The following SETD5 variants were observed in gnomAD, a reference collection of about 807,000 sequenced individuals.
The protein encoded by SETD5 is SET domain containing 5, also known as histone-lysine N-methyltransferase SETD5.
Under a neutral mutation model 153.3 loss-of-function variants are expected in SETD5, and 44 were observed. The ratio of observed to expected loss-of-function variants is 0.29; its 90% CI spans 0.23 to 0.37. SETD5 has a LOEUF of 0.37. Ranked by LOEUF, SETD5 falls within the 10% of genes least tolerant of loss-of-function variation. The probability of loss-of-function intolerance (pLI) is 1.00; values close to 1 mark genes in which losing one functional copy is unlikely to be tolerated. For missense variants in SETD5, 1,544 were observed against 1,768.0 expected, an observed-to-expected ratio of 0.87 and a Z score of 2.27; for synonymous variants, 716 against 645.2, an observed-to-expected ratio of 1.11 and a Z score of -1.66.
Position 9,473,533 on chromosome 3 carries a change from A to G in SETD5, c.3493A>G (p.Arg1165Gly), listed in dbSNP as rs2125608152. ...HCRPQENISS[R>G]WMVPTSVERL... ...CAGACCTCAAGAGAATATCAGCAGTAGGTGGTAAGTTTATATTTGATGTTT... is the reference window on the plus strand; with the variant it reads ...CAGACCTCAAGAGAATATCAGCAGTGGGTGGTAAGTTTATATTTGATGTTT... Residue 1165 changes from arginine (R) to glycine (G), a missense_variant, in exon 20 of 23, where the codon AGG (arginine) becomes GGG (glycine). By Grantham distance (125) the Arg-to-Gly change is moderately radical (BLOSUM62 -2). This residue lies in a region of SETD5 where 38 missense variants were observed against 71.4 expected (regional missense o/e 0.53). Transcript: ENST00000402198. The G allele has an allele frequency of 6.2e-7, 1 of 1,608,864 alleles. No individual in the cohort carries two copies. The highest frequency in any genetic ancestry group is 2.2e-5 in the East Asian group (1 of 44,788).
Position 9,434,900 on chromosome 3 carries a change from T to C in SETD5, c.388+18T>C. ...CATATCAGGTGAGCGGAAGATGGGTTAGGTCCACAATTTGACATAAAAATA... is the reference window on the plus strand; with the variant it reads ...CATATCAGGTGAGCGGAAGATGGGTCAGGTCCACAATTTGACATAAAAATA... On this transcript the variant is annotated intron_variant, in intron 6 of 22. Coordinates refer to ENST00000402198, the MANE Select transcript of SETD5 (RefSeq NM_001080517.3). This position sits in a 1 kb window ranked among gnomAD's most constrained non-coding sequence, Gnocchi z 5.6. The C allele has an allele frequency of 1.9e-6, 3 of 1,610,756 alleles. No homozygotes were observed. The highest frequency in any genetic ancestry group is 2.5e-6 in the Non-Finnish European group (3 of 1,178,582).
chr3:9,448,050 C>T, intron 15 of SETD5, 44 bp downstream of exon 15: 1 of 1,559,928 alleles, frequency 6.4e-7, no homozygotes, highest in Non-Finnish European at 8.7e-7. Flanking sequence ...CTGGCAAGGG[C>T]TGTCTTAGTG....
intron 19 of SETD5, among the ~76,000 whole-genome samples, chr3:9,471,262 A>G (rs929625713): frequency 1.4e-4 from 22 of 152,358 alleles, no homozygotes; most frequent in Middle Eastern, 3.4e-3. Context: ...CAGTAAGCCT[A>G]TAAGATAGGC....
chr3:9,436,262 T>G (rs2040556580), intron 7 of SETD5, among the ~76,000 whole-genome samples: 1 of 152,204 alleles, frequency 6.6e-6, no homozygotes, highest in Admixed American at 6.5e-5. Context: ...GAAATTCTTG[T>G]CCTGGTTACA....
chr3:9,399,958 G>C (rs539599327), intron 1 of SETD5, among the ~76,000 whole-genome samples: 2 of 152,308 alleles, frequency 1.3e-5, no homozygotes, highest in East Asian at 1.9e-4. Context: ...TGGTTGCTAC[G>C]TGAGAAGCTT....
chr3:9,442,538 C>T (rs545804526), intron 10 of SETD5, among the ~76,000 whole-genome samples: 29 of 152,182 alleles, frequency 1.9e-4, no homozygotes, highest in Non-Finnish European at 2.9e-4. Flanking sequence ...GATTGCCATA[C>T]GGTGGAAGTA....
chr3:9,398,095 A>C (rs981454829), intron 1 of SETD5, 118 bp downstream of exon 1: 3 of 151,846 alleles, frequency 2.0e-5, no homozygotes, highest in Non-Finnish European at 4.4e-5. Flanking sequence ...GCCCTCCCCA[A>C]GCTCTTAGGA....
rs2043432467 is a variant in SETD5 at position 9,457,737 on chromosome 3, TTTTTC to T, written c.2476+3874_2476+3878del. Among the ~76,000 whole-genome samples, 6 of 149,180 alleles carry T rather than the reference TTTTTC, an allele frequency of 4.0e-5. 1 individual carries two copies. In the South Asian group the frequency reaches 1.3e-3, roughly 31 times the overall value. The stretch of plus-strand genomic sequence containing the variant: ...TAAAGTCTGAGGAAATGGAAATTTC[TTTTTC>T]TTTTTTTTTTTTTCATGAATCATAC... On this transcript the variant is annotated intron_variant, in intron 17 of 22. Transcript: ENST00000402198.
intron 17 of SETD5, among the ~76,000 whole-genome samples, chr3:9,459,917 GA>G (rs1306220015): frequency 6.6e-6 from 1 of 151,938 alleles, no homozygotes; most frequent in African/African-American, 2.4e-5. Context: ...ATATCTAGCT[GA>G]AAAATTGCCA....
At chr3:9,430,250 T>TA (rs2039804604) in intron 3 of SETD5, 1 of 984,874 alleles carries the variant, frequency 1.0e-6, no homozygotes, top group Non-Finnish European at 1.2e-6. Flanking sequence ...TAATATAACT[T>TA]ACCTGTTTAC....
rs1390778284 is a variant in SETD5, at chr3:9,473,486, G to A, written c.3446G>A (p.Arg1149Lys). Residue 1149 changes from arginine to lysine, a missense_variant, in exon 20 of 23, where the codon AGA becomes AAA. Arg to Lys is a conservative substitution (Grantham distance 26). Transcript: ENST00000402198. ...HLEAVSPSDS[R>K]GTSSSHCRPQ... is the part of the protein sequence containing the mutation. ...GAGGCGGTAAGCCCATCAGATTCCAGAGGCACTTCTTCATCTCACTGCAGA... is the reference window on the plus strand; with the variant it reads ...GAGGCGGTAAGCCCATCAGATTCCAAAGGCACTTCTTCATCTCACTGCAGA... 6.2e-7 allele frequency: 1 copy of A among 1,613,866 alleles called. No homozygotes were observed. The highest frequency in any genetic ancestry group is 1.6e-4 in the Middle Eastern group (1 of 6,062).
At chr3:9,462,858 G>C (rs751536853) in intron 17 of SETD5, among the ~76,000 whole-genome samples, 1 of 151,754 alleles carries the variant, frequency 6.6e-6, no homozygotes, top group East Asian at 1.9e-4. Flanking sequence ...GATTTATAGA[G>C]TTGTTAAAAT....
intron 7 of SETD5, among the ~76,000 whole-genome samples, chr3:9,438,542 G>C (rs1380472131): frequency 1.3e-5 from 2 of 152,036 alleles, no homozygotes; most frequent in Non-Finnish European, 2.9e-5. Flanking sequence ...AAAATTACTA[G>C]TCATTTTGAT....
At chr3:9,451,684 A>C (rs76244014) in intron 16 of SETD5, among the ~76,000 whole-genome samples, 5,275 of 152,158 alleles carry the variant, frequency 0.035, 340 homozygotes, top group African/African-American at 0.12. Flanking sequence ...GAGTGCAAGG[A>C]GTCTGCCCAC....
intron 17 of SETD5, among the ~76,000 whole-genome samples, chr3:9,462,120 T>G (rs2044022115): frequency 6.6e-6 from 1 of 152,188 alleles, no homozygotes; most frequent in Non-Finnish European, 1.5e-5. Flanking sequence ...GCCTCATAAT[T>G]CTTTGCTAAC....
At chr3:9,475,336 A>AAGAC (rs986229456) in intron 22 of SETD5, 147 bp from the exon 23 acceptor site, 1 of 1,248,414 alleles carries the variant, frequency 8.0e-7, no homozygotes, top group African/African-American at 1.5e-5. Context: ...ACGGTGATCA[A>AAGAC]AGACAGACAT....
At chr3:9,423,908 G>A (rs756385542) in intron 1 of SETD5, among the ~76,000 whole-genome samples, 31 of 152,128 alleles carry the variant, frequency 2.0e-4, no homozygotes, top group Non-Finnish European at 3.7e-4. Context: ...CATTTTTTAA[G>A]CATGTTTCCA....
At position 9,428,916 on chromosome 3, in the gene SETD5, C is replaced by T; in HGVS notation, c.-23C>T. The stretch of plus-strand genomic sequence containing the variant: ...TCCATTAATTGGACCCCGTGATTTC[C>T]AATCTCTGCTGTGTTGGACGTCATG... On this transcript the variant is annotated 5_prime_UTR_variant, in exon 3 of 23. Coordinates refer to ENST00000402198, the MANE Select transcript of SETD5 (RefSeq NM_001080517.3). The T allele has an allele frequency of 6.2e-7, 1 of 1,603,478 alleles. No individual in the cohort carries two copies. The highest frequency in any genetic ancestry group is 2.2e-5 in the East Asian group (1 of 44,680).
chr3:9,421,443 G>A (rs1277322687), intron 1 of SETD5, among the ~76,000 whole-genome samples: 1 of 151,928 alleles, frequency 6.6e-6, no homozygotes, highest in African/African-American at 2.4e-5. Flanking sequence ...TGGCCTCTAA[G>A]AGTGCTTTTT....
Sources: allele counts gnomAD v4.1 joint callset (sites outside exome capture counted in the v4.1 genomes callset), GRCh38; gene constraint gnomAD v4.1.1; regional missense constraint gnomAD v4.1.1; non-coding constraint Gnocchi (gnomAD v3.1); transcripts MANE v1.5; gene names NCBI Gene and HGNC (gene_info 2026-07-23, HGNC 2026-07-21).